The following NDUFS7 variants were observed in gnomAD, a reference collection of about 807,000 sequenced individuals.
NDUFS7 encodes NADH dehydrogenase [ubiquinone] iron-sulfur protein 7, mitochondrial.
Under a neutral mutation model 31.1 loss-of-function variants are expected in NDUFS7, and 11 were observed. The ratio of observed to expected loss-of-function variants is 0.35; its 90% confidence interval spans 0.22 to 0.59. The LOEUF (loss-of-function observed/expected upper bound fraction) is 0.59. Among genes scored for constraint, NDUFS7 ranks in the 20% least tolerant of loss-of-function variants. NDUFS7 has a pLI of 0.79. For missense variants in NDUFS7, 263 were observed against 324.2 expected (o/e 0.81, Z 1.45); for synonymous variants, 136 against 127.9 (o/e 1.06, Z -0.43).
chr19:1,393,218 C>T lies in NDUFS7; in HGVS notation c.456-24C>T, dbSNP rs375331125. 3 of 1,543,902 alleles carry T rather than the reference C, an allele frequency of 1.9e-6. No individual in the cohort carries two copies. Among genetic ancestry groups the T allele is most frequent in the Middle Eastern group, 1.7e-4 (1 of 5,994 alleles). ...TGGGCAGGCGGGTCTTCGGCACACT[C>T]CCCTCACGGTGCCTCCCCAACAGCT... On this transcript the variant is annotated intron_variant, in intron 6 of 7. Transcript: ENST00000233627. This position sits in a 1 kb window ranked among gnomAD's most constrained non-coding sequence, Gnocchi z 7.3.
chr19:1,388,102 C>T (rs561387009), intron 2 of NDUFS7: 94 of 607,036 alleles, frequency 1.5e-4, no homozygotes, highest in South Asian at 1.5e-3. Flanking sequence ...CAGAGCTCAC[C>T]GCCACCTGGG....
chr19:1,388,168 A>G, intron 2 of NDUFS7: 1 of 587,698 alleles, frequency 1.7e-6, no homozygotes, highest in Middle Eastern at 4.6e-4. Context: ...GGCCTCCTGC[A>G]GACCCAGGTG....
chr19:1,388,617 G>A (rs1234350472), intron 3 of NDUFS7, 24 bp downstream of exon 3: 10 of 1,606,912 alleles, frequency 6.2e-6, no homozygotes, highest in Non-Finnish European at 8.5e-6. Flanking sequence ...TCTGGGGGAG[G>A]TCGTACCCCC....
At position 1,384,635 on chromosome 19, in the gene NDUFS7, C is replaced by A. The variant is rs541967707; in HGVS notation, c.16+693C>A. ...TAAGTGCTTCCCTTATGAACGCGAT[C>A]TAGCGGCAGGTCTAATTGCGACTGT... On this transcript the variant is annotated intron_variant, in intron 1 of 7. Transcript: ENST00000233627. 5.3e-5 allele frequency among the ~76,000 whole-genome samples: 8 copies of A among 152,308 alleles called. No individual in the cohort carries two copies. In the South Asian group the frequency reaches 1.5e-3, roughly 28 times the overall value.
intron 4 of NDUFS7, chr19:1,390,580 G>A (rs966787271): frequency 3.3e-5 from 18 of 552,394 alleles, no homozygotes; most frequent in African/African-American, 3.2e-4. Flanking sequence ...AGAGTGGCTG[G>A]AGCCCCCTGT....
At position 1,390,853 on chromosome 19, in the gene NDUFS7, C is replaced by G. The variant is rs202102613; in HGVS notation, c.229-18C>G. The G allele has an allele frequency of 6.2e-6, 10 of 1,604,498 alleles. No homozygotes were observed. Among genetic ancestry groups the G allele is most frequent in the African/African-American group, 1.3e-5 (1 of 74,852 alleles). ...GGGGCTCCGGGGGTGGCGTCTGACC[C>G]GAGCCCGGCCTCCGCAGAGTTCTCT... On this transcript the variant is annotated intron_variant, in intron 4 of 7. Coordinates refer to ENST00000233627, the MANE Select transcript of NDUFS7 (RefSeq NM_024407.5).
rs541983777 is a variant in NDUFS7 at position 1,389,178 on chromosome 19, T to A, written c.228+240T>A. ...GCACACATGCACACTTGCACACACA[T>A]GCACACACAAGCACATGTGCACACA... On this transcript the variant is annotated intron_variant, in intron 4 of 7. Transcript: ENST00000233627. 431 of 693,292 alleles carry A rather than the reference T, an allele frequency of 6.2e-4. 6 individuals are homozygous for A. The South Asian group carries it at 6.3e-3, about 10-fold the overall frequency. 42.9% of individuals were successfully genotyped at this position (693,292 alleles called of 1,614,324 possible). A position where few individuals can be genotyped will look rare whatever the true frequency, so the allele number is the denominator to read the frequency against.
chr19:1,389,168 T>G (rs1002580298), intron 4 of NDUFS7: 2 of 693,984 alleles, frequency 2.9e-6, no homozygotes, highest in East Asian at 5.4e-5. Context: ...CATGCACACT[T>G]GCACACACAT....
At chr19:1,390,804 G>A (rs1471406730) in intron 4 of NDUFS7, 67 bp from the exon 5 acceptor site, 11 of 1,546,142 alleles carry the variant, frequency 7.1e-6, no homozygotes, top group Admixed American at 3.5e-5. Flanking sequence ...GGTGCTCCAC[G>A]TGGAGTCTCA....
intron 3 of NDUFS7, 115 bp downstream of exon 3, chr19:1,388,708 C>T (rs974885285): frequency 3.5e-6 from 5 of 1,409,892 alleles, no homozygotes; most frequent in East Asian, 2.5e-5. Flanking sequence ...GGGAGGGGGT[C>T]ACACATCCCA....
chr19:1,389,187 A>G (rs1490595628), intron 4 of NDUFS7: 1 of 690,476 alleles, frequency 1.4e-6, no homozygotes, highest in Non-Finnish European at 2.6e-6. Context: ...ATGCACACAC[A>G]AGCACATGTG....
chr19:1,389,152 C>G, intron 4 of NDUFS7: 1 of 701,264 alleles, frequency 1.4e-6, no homozygotes, highest in Non-Finnish European at 2.6e-6. Flanking sequence ...TATGCACACT[C>G]GCACACATGC....
Position 1,393,301 on chromosome 19 carries a change from G to A in NDUFS7, c.515G>A (p.Arg172His), listed in dbSNP as rs536671984. 2.0e-5 allele frequency: 31 copies of A among 1,587,444 alleles called. No homozygotes were observed. The South Asian group carries it at 2.0e-4, about 10-fold the overall frequency. Reference protein sequence around the residue: ...YSYSVVRGCDRIVPVDIYIPG... With the variant: ...YSYSVVRGCDHIVPVDIYIPG... ...TACTCGGTGGTGAGGGGCTGCGACC[G>A]CATCGTGCCCGTGGACATCTACATC... is the stretch of plus-strand genomic sequence containing the variant. Residue 172 changes from arginine (R) to histidine (H), a missense_variant, in exon 7 of 8, where the codon CGC becomes CAC. Coordinates refer to ENST00000233627, the MANE Select transcript of NDUFS7 (RefSeq NM_024407.5). This position sits in a 1 kb window ranked among gnomAD's most constrained non-coding sequence, Gnocchi z 7.3.
At chr19:1,388,033 C>T (rs952735600) in intron 2 of NDUFS7, 186 bp downstream of exon 2, 3 of 680,718 alleles carry the variant, frequency 4.4e-6, no homozygotes, top group South Asian at 1.7e-5. Context: ...GGACAGTCCA[C>T]GCAGTGGCAA....
At chr19:1,385,994 G>T (rs1289752294) in intron 1 of NDUFS7, among the ~76,000 whole-genome samples, 1 of 152,232 alleles carries the variant, frequency 6.6e-6, no homozygotes, top group Admixed American at 6.5e-5. Flanking sequence ...GGGCTGGGCA[G>T]TTAGCCTGTC....
intron 4 of NDUFS7, chr19:1,390,577 C>T (rs1246507729): frequency 1.8e-6 from 1 of 548,254 alleles, no homozygotes; most frequent in Admixed American, 3.1e-5. Flanking sequence ...CAGAGAGTGG[C>T]TGGAGCCCCC....
chr19:1,388,385 G>T (rs2082523917), intron 2 of NDUFS7, 140 bp from the exon 3 acceptor site: 5 of 792,714 alleles, frequency 6.3e-6, no homozygotes, highest in Non-Finnish European at 1.1e-5. Flanking sequence ...CAGCGGCTCT[G>T]GCCAGTGGCC....
At chr19:1,389,135 A>G (rs572336474) in intron 4 of NDUFS7, 197 bp downstream of exon 4, 16 of 703,410 alleles carry the variant, frequency 2.3e-5, no homozygotes, top group South Asian at 9.0e-5. Flanking sequence ...CACGCACACA[A>G]TGCACATATG....
intron 1 of NDUFS7, 56 bp downstream of exon 1, chr19:1,383,998 C>T: frequency 6.5e-7 from 1 of 1,528,078 alleles, no homozygotes; most frequent in Non-Finnish European, 8.8e-7. Flanking sequence ...GCCGTGGGAG[C>T]CTCGGGTGTC....
Sources: gnomAD v4.1 joint callset for allele counts (sites outside exome capture counted in the v4.1 genomes callset) on GRCh38, gnomAD v4.1.1 for gene constraint, Gnocchi (gnomAD v3.1) non-coding constraint, MANE v1.5 for transcripts, NCBI Gene and HGNC (gene_info 2026-07-23, HGNC 2026-07-21) for gene names.